ATP13A3: variants seen among roughly 807,000 people sequenced by gnomAD.
The protein encoded by ATP13A3 is polyamine-transporting ATPase 13A3.
A neutral mutation model predicts 158.1 loss-of-function variants in ATP13A3; 59 were observed. The observed-to-expected ratio is 0.37, with a 90% CI of 0.30 to 0.46. The LOEUF is 0.46. ATP13A3 is among the 20% of genes least tolerant of loss of function. The pLI is 1.00. For synonymous variants in ATP13A3, 491 were observed against 504.3 expected, an observed-to-expected ratio of 0.97 and a Z score of 0.35; for missense variants, 1,166 against 1,525.2, an observed-to-expected ratio of 0.76 and a Z score of 3.92.
At chr3:194,427,016 T>G in intron 29 of ATP13A3, 59 bp downstream of exon 29, 2 of 1,529,960 alleles carry the variant, frequency 1.3e-6, no homozygotes, top group Non-Finnish European at 1.8e-6. Context: ...AAACTCATTT[T>G]TATATCATAT....
At chr3:194,438,750 G>A in intron 17 of ATP13A3, 106 bp downstream of exon 17, 1 of 656,956 alleles carries the variant, frequency 1.5e-6, no homozygotes, top group South Asian at 3.2e-5. Flanking sequence ...ACCAGCCTGG[G>A]CAACATAGCA....
At chr3:194,430,455 A>G (rs1197326798) in intron 24 of ATP13A3, 140 bp from the exon 25 acceptor site, 2 of 956,418 alleles carry the variant, frequency 2.1e-6, no homozygotes, top group African/African-American at 1.7e-5. Context: ...TCTTTTCACT[A>G]TAATGAACAC....
At chr3:194,429,064 C>A in intron 27 of ATP13A3, 147 bp from the exon 28 acceptor site, 1 of 493,354 alleles carries the variant, frequency 2.0e-6, no homozygotes, top group Non-Finnish European at 3.6e-6. Flanking sequence ...ATAAGTGTCT[C>A]TGAAACTAAA....
chr3:194,419,667 T>C, intron 31 of ATP13A3: 1 of 613,588 alleles, frequency 1.6e-6, no homozygotes, highest in Non-Finnish European at 2.0e-6. Context: ...TTTAATTTGT[T>C]TGCAGACAAA....
At chr3:194,490,426 T>A (rs1721134017), upstream of ATP13A3, among the ~76,000 whole-genome samples, 1 of 152,194 alleles carries the variant, frequency 6.6e-6, no homozygotes, top group Admixed American at 6.5e-5. This position sits in a 1 kb window ranked among gnomAD's most constrained non-coding sequence, Gnocchi z 4.4. Context: ...TCTCCTATCC[T>A]TGAGACACTT....
chr3:194,442,441 T>C (rs1292212446), intron 15 of ATP13A3, among the ~76,000 whole-genome samples: 3 of 152,076 alleles, frequency 2.0e-5, no homozygotes, highest in Non-Finnish European at 4.4e-5. Flanking sequence ...CCAATTCCTA[T>C]GTTTAAAATA....
chr3:194,420,065 G>C, intron 30 of ATP13A3, 98 bp from the exon 31 acceptor site: 12 of 1,294,472 alleles, frequency 9.3e-6, no homozygotes, highest in Non-Finnish European at 1.1e-5. Context: ...TGTAAATTTG[G>C]TTTTGAATAC....
At chr3:194,410,937 G>GGGGT (rs1359615208) in intron 33 of ATP13A3, among the ~76,000 whole-genome samples, 156 of 127,278 alleles carry the variant, frequency 1.2e-3, no homozygotes, top group African/African-American at 3.4e-3. Context: ...GGGGTGTTGG[G>GGGGT]GTGTGTGTGT....
intron 11 of ATP13A3, among the ~76,000 whole-genome samples, chr3:194,449,618 A>C (rs1006990517): frequency 2.6e-5 from 4 of 152,076 alleles, no homozygotes; most frequent in African/African-American, 9.7e-5. Context: ...CGGAGGCTGC[A>C]GTGAGCCAAG....
At chr3:194,463,912 C>T (rs867931541) in intron 2 of ATP13A3, among the ~76,000 whole-genome samples, 1 of 152,224 alleles carries the variant, frequency 6.6e-6, no homozygotes, top group Admixed American at 6.5e-5. Flanking sequence ...GTAATCCCAG[C>T]GCTCTGGGAG....
chr3:194,446,198 G>T (rs1008231308), intron 14 of ATP13A3, among the ~76,000 whole-genome samples: 1 of 152,132 alleles, frequency 6.6e-6, no homozygotes, highest in South Asian at 2.1e-4. Context: ...CCTCAAATAC[G>T]ATTGTTTTGT....
Position 194,434,922 on chromosome 3 carries a change from A to G in ATP13A3, c.2121-1026T>C, listed in dbSNP as rs77164363. On this transcript the variant is annotated intron_variant, in intron 20 of 33. Coordinates refer to ENST00000645319, the MANE Select transcript of ATP13A3 (RefSeq NM_001367549.1). ...AGCAACAAAGAGAGATCCTATCTCA[A>G]AAGAAACAAACAAAAAAAGAAAACA... Among the ~76,000 whole-genome samples, 352 of 152,310 alleles carry G rather than the reference A, an allele frequency of 2.3e-3. 2 individuals are homozygous for G. The highest frequency in any genetic ancestry group is 8.0e-3 in the African/African-American group (334 of 41,554).
At chr3:194,433,975 A>C in intron 20 of ATP13A3, 79 bp from the exon 21 acceptor site, 1 of 1,355,632 alleles carries the variant, frequency 7.4e-7, no homozygotes, top group Non-Finnish European at 1.0e-6. Context: ...TGAAATATCT[A>C]AACAATTAAA....
intron 2 of ATP13A3, among the ~76,000 whole-genome samples, chr3:194,472,515 C>A (rs931318737): frequency 1.3e-5 from 2 of 152,136 alleles, no homozygotes; most frequent in African/African-American, 4.8e-5. Flanking sequence ...GGAGAAAAGG[C>A]TGAGTTACAA....
intron 2 of ATP13A3, among the ~76,000 whole-genome samples, chr3:194,481,221 TG>T (rs1720735131): frequency 7.1e-6 from 1 of 141,422 alleles, no homozygotes; most frequent in African/African-American, 2.9e-5. Context: ...ATTTCACAAA[TG>T]GAAAAAAAAA....
chr3:194,448,911 G>T lies in ATP13A3; in HGVS notation c.971-275C>A, dbSNP rs1718594039. 6.6e-6 allele frequency among the ~76,000 whole-genome samples: 1 copy of T among 152,108 alleles called. No individual in the cohort carries two copies. The highest frequency in any genetic ancestry group is 2.1e-4 in the South Asian group (1 of 4,832). On this transcript the variant is annotated intron_variant, in intron 11 of 33. Transcript: ENST00000645319. The surrounding 1 kb of genome is among the most constrained non-coding windows in gnomAD (Gnocchi z 4.0). ...TAATATTTGTTTATATTTAGAAACA[G>T]TTGCATTGTTCAGTTTCAAATAATT...
chr3:194,410,321 A>AAAAAC (rs1560066765), intron 33 of ATP13A3, among the ~76,000 whole-genome samples: 2 of 119,112 alleles, frequency 1.7e-5, no homozygotes, highest in East Asian at 2.6e-4. Context: ...AAAAAAAAAA[A>AAAAAC]AAAAAAAAAA....
chr3:194,484,263 G>C (rs1221480987), intron 2 of ATP13A3, among the ~76,000 whole-genome samples: 2 of 152,038 alleles, frequency 1.3e-5, no homozygotes, highest in East Asian at 3.9e-4. Flanking sequence ...TAACAAAGAA[G>C]AATATTGTTA....
At chr3:194,422,821 A>T (rs925997605) in intron 30 of ATP13A3, among the ~76,000 whole-genome samples, 1 of 151,760 alleles carries the variant, frequency 6.6e-6, no homozygotes, top group Middle Eastern at 3.2e-3. Flanking sequence ...ACTAACCTAC[A>T]GCCACAAATC....
Sources: gnomAD v4.1 joint callset for allele counts (sites outside exome capture counted in the v4.1 genomes callset) on GRCh38, gnomAD v4.1.1 for gene constraint, Gnocchi (gnomAD v3.1) non-coding constraint, MANE v1.5 for transcripts, NCBI Gene and HGNC (gene_info 2026-07-23, HGNC 2026-07-21) for gene names.